LOC128462377: variants seen among roughly 807,000 people sequenced by gnomAD.
the LOC128462377 span, among the ~76,000 whole-genome samples, chr16:89,393,190 G>C: frequency 6.6e-6 from 1 of 152,100 alleles, no homozygotes; most frequent in Non-Finnish European, 1.5e-5. Flanking sequence ...TAAATACCTT[G>C]AGAGCACGAC....
the LOC128462377 span, among the ~76,000 whole-genome samples, chr16:89,334,205 G>C: frequency 7.1e-6 from 1 of 140,694 alleles, no homozygotes; most frequent in African/African-American, 2.8e-5. Flanking sequence ...AAAAAACACT[G>C]TTCCCAAGCT....
At chr16:89,354,327 G>A in the LOC128462377 span, among the ~76,000 whole-genome samples, 2 of 149,444 alleles carry the variant, frequency 1.3e-5, no homozygotes, top group Non-Finnish European at 1.5e-5. Context: ...CCTTCTCACT[G>A]TCAATCTTTT....
chr16:89,380,023 G>A, the LOC128462377 span, among the ~76,000 whole-genome samples: 1 of 152,142 alleles, frequency 6.6e-6, no homozygotes, highest in South Asian at 2.1e-4. Flanking sequence ...CCAGGTCCAA[G>A]TATCAATGGG....
the LOC128462377 span, among the ~76,000 whole-genome samples, chr16:89,357,423 A>G: frequency 6.6e-6 from 1 of 152,164 alleles, no homozygotes; most frequent in Non-Finnish European, 1.5e-5. Flanking sequence ...GCTGGTGGGA[A>G]CATATAATGG....
chr16:89,404,964 T>C, the LOC128462377 span, among the ~76,000 whole-genome samples: 1 of 152,258 alleles, frequency 6.6e-6, no homozygotes, highest in African/African-American at 2.4e-5. Flanking sequence ...ATGTAGTTTG[T>C]TGTTTTAAAT....
the LOC128462377 span, among the ~76,000 whole-genome samples, chr16:89,320,943 A>G: frequency 6.6e-6 from 1 of 152,348 alleles, no homozygotes; most frequent in African/African-American, 2.4e-5. Context: ...GACAGGAACA[A>G]CGATGGCCTG....
the LOC128462377 span, chr16:89,323,335 T>C: frequency 3.1e-6 from 4 of 1,287,872 alleles, no homozygotes; most frequent in African/African-American, 1.5e-5. Flanking sequence ...CAATCCCAGG[T>C]ATGGAAGAGA....
chr16:89,347,604 C>A, the LOC128462377 span, among the ~76,000 whole-genome samples: 1 of 115,704 alleles, frequency 8.6e-6, no homozygotes, highest in Non-Finnish European at 1.8e-5. Flanking sequence ...GAGCGAGACT[C>A]CGTAAAAAAA....
the LOC128462377 span, among the ~76,000 whole-genome samples, chr16:89,352,422 T>G: frequency 6.7e-6 from 1 of 149,908 alleles, no homozygotes; most frequent in African/African-American, 2.5e-5. Context: ...CCTCCTGCTC[T>G]CAGGTCAGTG....
the LOC128462377 span, among the ~76,000 whole-genome samples, chr16:89,417,476 G>A: frequency 6.6e-6 from 1 of 152,274 alleles, no homozygotes; most frequent in Admixed American, 6.5e-5. Flanking sequence ...ACACGTGCTT[G>A]CTCAGAGCCA....
chr16:89,344,368 T>A, the LOC128462377 span, among the ~76,000 whole-genome samples: 4 of 152,202 alleles, frequency 2.6e-5, no homozygotes, highest in Admixed American at 6.5e-5. Flanking sequence ...CTCCTTGCTA[T>A]GAATGCCTGG....
the LOC128462377 span, chr16:89,324,278 G>T: frequency 8.7e-4 from 1,084 of 1,248,168 alleles, 11 homozygotes; most frequent in African/African-American, 0.015. Flanking sequence ...CAGGAGCCCC[G>T]TGCTCCGGAA....
At chr16:89,388,770 C>G in the LOC128462377 span, among the ~76,000 whole-genome samples, 1 of 152,176 alleles carries the variant, frequency 6.6e-6, no homozygotes, top group South Asian at 2.1e-4. Flanking sequence ...ACTGCCCAGC[C>G]AGATCCCTGT....
chr16:89,369,196 T>A, the LOC128462377 span, among the ~76,000 whole-genome samples: 1 of 152,104 alleles, frequency 6.6e-6, no homozygotes, highest in African/African-American at 2.4e-5. Context: ...AGAGAGAATA[T>A]GAAACAATAA....
the LOC128462377 span, among the ~76,000 whole-genome samples, chr16:89,411,465 G>A: frequency 6.6e-6 from 1 of 152,186 alleles, no homozygotes; most frequent in Non-Finnish European, 1.5e-5. Context: ...TAGAGCTGGA[G>A]TGCAGTGGTG....
chr16:89,346,410 C>T, the LOC128462377 span, among the ~76,000 whole-genome samples: 2 of 152,136 alleles, frequency 1.3e-5, no homozygotes, highest in Non-Finnish European at 2.9e-5. Flanking sequence ...TGGAGCTAAA[C>T]ATATAAAATC....
chr16:89,322,617 C>A, the LOC128462377 span, among the ~76,000 whole-genome samples: 3 of 152,002 alleles, frequency 2.0e-5, no homozygotes, highest in Admixed American at 6.5e-5. Context: ...AAGACAGGAA[C>A]ACACTCATGA....
chr16:89,408,845 T>A, the LOC128462377 span, among the ~76,000 whole-genome samples: 1 of 152,152 alleles, frequency 6.6e-6, no homozygotes, highest in Non-Finnish European at 1.5e-5. Flanking sequence ...TTTCTGGGAT[T>A]TTGTAGGAAA....
chr16:89,416,062 T>G, the LOC128462377 span, among the ~76,000 whole-genome samples: 7 of 151,836 alleles, frequency 4.6e-5, no homozygotes, highest in African/African-American at 1.7e-4. Context: ...AAAGACAAAA[T>G]CAATACTGAG....
Sources: gnomAD v4.1 joint callset for allele counts (sites outside exome capture counted in the v4.1 genomes callset) on GRCh38, gnomAD v4.1.1 for gene constraint, MANE v1.5 for transcripts.